The following JAK2 variants were observed in gnomAD, a reference collection of about 807,000 sequenced individuals.
JAK2 encodes the protein tyrosine-protein kinase JAK2.
Under a neutral mutation model 139.3 loss-of-function variants are expected in JAK2, and 86 were observed. The ratio of observed to expected loss-of-function variants is 0.62; its 90% CI spans 0.52 to 0.74. JAK2 has a LOEUF of 0.74. JAK2 is among the 30% of genes least tolerant of loss of function. The pLI, the probability that JAK2 is intolerant of heterozygous loss-of-function variation, is 0.00. For missense variants in JAK2, 1,421 were observed against 1,360.3 expected (o/e 1.04, Z -0.70); for synonymous variants, 490 against 437.7 (o/e 1.12, Z -1.49).
Position 5,127,566 on chromosome 9 carries a change from A to C in JAK2, c.*775A>C, listed in dbSNP as rs1824078655. 1 of 231,396 alleles carries C rather than the reference A, an allele frequency of 4.3e-6. No homozygotes were observed. Among genetic ancestry groups the C allele is most frequent in the Admixed American group, 5.7e-5 (1 of 17,686 alleles). The allele number at this position is 231,396 out of a possible 1,614,324, so 14.3% of individuals were successfully genotyped here. On this transcript the variant is annotated 3_prime_UTR_variant, in exon 25 of 25. Coordinates refer to ENST00000381652, the MANE Select transcript of JAK2 (RefSeq NM_004972.4). Reference sequence around the variant, plus strand: ...CTATTTGTGGTGAATGTGTTTTTTAAATGGAACTATCTCCAAATTTTTCTA... The same window carrying C: ...CTATTTGTGGTGAATGTGTTTTTTACATGGAACTATCTCCAAATTTTTCTA...
intron 2 of JAK2, among the ~76,000 whole-genome samples, chr9:5,010,718 C>G (rs191606206): frequency 1.3e-5 from 2 of 152,278 alleles, no homozygotes; most frequent in East Asian, 3.9e-4. Flanking sequence ...TTTCTGTAAA[C>G]CTGAGTTTAC....
intron 5 of JAK2, among the ~76,000 whole-genome samples, chr9:5,045,696 A>G (rs1285880970): frequency 2.0e-5 from 3 of 152,180 alleles, no homozygotes; most frequent in African/African-American, 7.2e-5. Flanking sequence ...GGCTTATTTC[A>G]CTTAGCATAA....
intron 8 of JAK2, among the ~76,000 whole-genome samples, chr9:5,062,206 A>G (rs1197106405): frequency 6.6e-6 from 1 of 151,942 alleles, no homozygotes; most frequent in Non-Finnish European, 1.5e-5. Context: ...TAGGGCTGAC[A>G]TTTTGCATAT....
intron 22 of JAK2, 39 bp from the exon 23 acceptor site, chr9:5,122,965 C>G (rs2130852878): frequency 7.7e-7 from 1 of 1,301,026 alleles, no homozygotes; most frequent in Middle Eastern, 1.9e-4. Context: ...GTCCACATAT[C>G]AAGTAACTGT....
chr9:5,040,804 C>T, intron 4 of JAK2: 2 of 206,154 alleles, frequency 9.7e-6, no homozygotes, highest in South Asian at 6.0e-5. Flanking sequence ...CCAGGCGGTG[C>T]AGGAGCTGGA....
rs140973912 is a variant in JAK2, at chr9:5,064,921, C to G, written c.1095C>G (p.Phe365Leu). 3 of 1,593,858 alleles carry G rather than the reference C, an allele frequency of 1.9e-6. No individual in the cohort carries two copies. The highest frequency in any genetic ancestry group is 1.1e-5 in the South Asian group (1 of 87,514). The change falls in exon 9 of 25, where the codon TTC (phenylalanine) becomes TTG (leucine). Residue 365 changes from phenylalanine to leucine, a missense_variant. Transcript: ENST00000381652. ...GCTCATTAAGGGAAGCTTTGTCTTT[C>G]GTGTCATTAATTGATGGATATTATA... Reference protein sequence around the residue: ...ELSSLREALSFVSLIDGYYRL... With the variant: ...ELSSLREALSLVSLIDGYYRL...
intron 22 of JAK2, among the ~76,000 whole-genome samples, chr9:5,119,883 A>G (rs563192442): frequency 6.6e-6 from 1 of 152,338 alleles, no homozygotes; most frequent in South Asian, 2.1e-4. Flanking sequence ...GAAAATAAAT[A>G]TTTTATACAA....
At chr9:4,997,160 G>C (rs1820621353) in intron 2 of JAK2, among the ~76,000 whole-genome samples, 1 of 151,840 alleles carries the variant, frequency 6.6e-6, no homozygotes, top group African/African-American at 2.4e-5. Context: ...TTGAACTCCT[G>C]GGCTCCAGCA....
At chr9:5,073,431 C>T (rs886789733) in intron 13 of JAK2, among the ~76,000 whole-genome samples, 1 of 152,124 alleles carries the variant, frequency 6.6e-6, no homozygotes, top group African/African-American at 2.4e-5. Flanking sequence ...ATGGGTCAAG[C>T]CTGTTTGACT....
chr9:5,128,891 G>T lies in JAK2; in HGVS notation c.*2100G>T, dbSNP rs1824173126. ...ATATTCTTCAGAAACAAGGGTAAAGGTATTCTTAGAATTATGTAATTCTGT... is the reference window on the plus strand; with the variant it reads ...ATATTCTTCAGAAACAAGGGTAAAGTTATTCTTAGAATTATGTAATTCTGT... On this transcript the variant is annotated 3_prime_UTR_variant, in exon 25 of 25. Transcript: ENST00000381652. Among the ~76,000 whole-genome samples, 1 of 151,916 alleles carries T rather than the reference G, an allele frequency of 6.6e-6. No individual in the cohort carries two copies. The highest frequency in any genetic ancestry group is 6.6e-5 in the Admixed American group (1 of 15,260).
At chr9:5,037,293 G>A (rs1322161466) in intron 4 of JAK2, among the ~76,000 whole-genome samples, 2 of 152,172 alleles carry the variant, frequency 1.3e-5, no homozygotes, top group Non-Finnish European at 2.9e-5. Flanking sequence ...GTGGAAGTCA[G>A]TGTGGCGATT....
At chr9:5,060,094 A>C (rs1818051287) in intron 8 of JAK2, among the ~76,000 whole-genome samples, 1 of 152,214 alleles carries the variant, frequency 6.6e-6, no homozygotes, top group Admixed American at 6.5e-5. Flanking sequence ...CACTATAATC[A>C]AGTCTACTAA....
intron 4 of JAK2, among the ~76,000 whole-genome samples, chr9:5,034,734 A>C (rs1361180030): frequency 6.6e-6 from 1 of 152,168 alleles, no homozygotes; most frequent in Non-Finnish European, 1.5e-5. Context: ...GACACATTCA[A>C]AGCAGTGTGT....
intron 16 of JAK2, among the ~76,000 whole-genome samples, chr9:5,079,530 A>C (rs935200501): frequency 2.0e-5 from 3 of 151,696 alleles, no homozygotes; most frequent in African/African-American, 7.3e-5. Flanking sequence ...GGGAATTGCC[A>C]TGGCTATTAA....
intron 9 of JAK2, among the ~76,000 whole-genome samples, chr9:5,066,419 T>C (rs1048937212): frequency 5.3e-5 from 8 of 152,104 alleles, no homozygotes; most frequent in African/African-American, 1.9e-4. Context: ...AATGAACAAA[T>C]TGTTCTTTGT....
At chr9:5,039,690 G>C (rs1410308800) in intron 4 of JAK2, among the ~76,000 whole-genome samples, 8 of 152,050 alleles carry the variant, frequency 5.3e-5, no homozygotes, top group Admixed American at 3.9e-4. Context: ...TCTATACAGA[G>C]ACAAAGAACA....
At chr9:5,042,231 G>A (rs1407491638) in intron 4 of JAK2, among the ~76,000 whole-genome samples, 1 of 146,150 alleles carries the variant, frequency 6.8e-6, no homozygotes, top group East Asian at 2.0e-4. Context: ...TCCGCCTCCC[G>A]GGTTCCCGCC....
At chr9:5,114,103 A>G (rs573406531) in intron 22 of JAK2, 20 of 337,146 alleles carry the variant, frequency 5.9e-5, no homozygotes, top group African/African-American at 4.3e-4. Context: ...CTGCCCGACC[A>G]CACCTACACC....
intron 22 of JAK2, among the ~76,000 whole-genome samples, chr9:5,095,398 A>G (rs933685089): frequency 2.0e-5 from 3 of 152,296 alleles, no homozygotes; most frequent in Admixed American, 2.0e-4. Context: ...AGCAGCCACC[A>G]AATATTTTCT....
Sources: allele counts gnomAD v4.1 joint callset (sites outside exome capture counted in the v4.1 genomes callset), GRCh38; gene constraint gnomAD v4.1.1; transcripts MANE v1.5; gene names NCBI Gene and HGNC (gene_info 2026-07-23, HGNC 2026-07-21).